LRRC8D: variants seen among roughly 807,000 people sequenced by gnomAD.
The protein encoded by LRRC8D is leucine rich repeat containing 8 VRAC subunit D.
In LRRC8D, 20 loss-of-function variants were observed where a neutral mutation model predicts 55.8. The observed-to-expected ratio is 0.36, with a 90% confidence interval of 0.25 to 0.52. The LOEUF (loss-of-function observed/expected upper bound fraction) is 0.52, where lower values mean the gene tolerates loss of function less well. Among genes scored for constraint, LRRC8D ranks in the 20% least tolerant of loss-of-function variants. The pLI, the probability that LRRC8D is intolerant of heterozygous loss-of-function variation, is 0.93. For synonymous variants in LRRC8D, 352 were observed against 377.0 expected, an observed-to-expected ratio of 0.93 and a Z score of 0.77; for missense variants, 651 against 1,030.8, an observed-to-expected ratio of 0.63 and a Z score of 5.05.
intron 2 of LRRC8D, among the ~76,000 whole-genome samples, chr1:89,915,539 G>A (rs1323186109): frequency 6.6e-6 from 1 of 152,176 alleles, no homozygotes; most frequent in Non-Finnish European, 1.5e-5. Flanking sequence ...TGATATTTTA[G>A]GCTGGAATTC....
chr1:89,919,453 A>C (rs1457492051), intron 2 of LRRC8D, among the ~76,000 whole-genome samples: 1 of 152,232 alleles, frequency 6.6e-6, no homozygotes, highest in Non-Finnish European at 1.5e-5. Context: ...CTTGGGTGTC[A>C]GGGATATGCT....
chr1:89,932,994 G>T (rs1201652238), intron 2 of LRRC8D, 73 bp from the exon 3 acceptor site: 2 of 1,336,016 alleles, frequency 1.5e-6, no homozygotes, highest in Non-Finnish European at 2.1e-6. Flanking sequence ...TTAGGAGCAG[G>T]CATAGGGTTT....
intron 2 of LRRC8D, among the ~76,000 whole-genome samples, chr1:89,857,224 A>T (rs1161983762): frequency 6.6e-6 from 1 of 151,984 alleles, no homozygotes; most frequent in Non-Finnish European, 1.5e-5. Context: ...CTCTACTAAA[A>T]AATAGAAAAT....
At chr1:89,927,368 A>G (rs1181050075) in intron 2 of LRRC8D, among the ~76,000 whole-genome samples, 1 of 152,242 alleles carries the variant, frequency 6.6e-6, no homozygotes. Flanking sequence ...CAACACACCC[A>G]TGTAACCAGA....
intron 1 of LRRC8D, among the ~76,000 whole-genome samples, chr1:89,828,625 G>T (rs1660817247): frequency 6.6e-6 from 1 of 152,114 alleles, no homozygotes; most frequent in African/African-American, 2.4e-5. Context: ...TTACTGGCCT[G>T]TGAAATCAAA....
At chr1:89,848,879 T>C (rs761396170) in intron 2 of LRRC8D, among the ~76,000 whole-genome samples, 24 of 152,142 alleles carry the variant, frequency 1.6e-4, no homozygotes, top group Admixed American at 6.5e-4. Flanking sequence ...TTTGTATTTT[T>C]AGTAGAGACG....
chr1:89,882,495 A>G (rs1034531323), intron 2 of LRRC8D, among the ~76,000 whole-genome samples: 1 of 152,226 alleles, frequency 6.6e-6, no homozygotes, highest in Non-Finnish European at 1.5e-5. Flanking sequence ...CACAGATGGT[A>G]AATGCTGTGG....
chr1:89,821,448 G>A lies in LRRC8D; in HGVS notation c.-148+157G>A, dbSNP rs181675954. Among the ~76,000 whole-genome samples, 931 of 152,254 alleles carry A rather than the reference G, an allele frequency of 6.1e-3. 5 individuals are homozygous for A. Among genetic ancestry groups the A allele is most frequent in the African/African-American group, 0.021 (893 of 41,576 alleles). On this transcript the variant is annotated intron_variant, in intron 1 of 2. Coordinates refer to ENST00000337338, the MANE Select transcript of LRRC8D (RefSeq NM_001134479.2). ...CTCATTCGGGGACGTCCGGGGGTCG[G>A]GAGGAGGTGGCGGCGAGCGGAGTGG...
chr1:89,921,383 T>C (rs531929250), intron 2 of LRRC8D, among the ~76,000 whole-genome samples: 23 of 152,300 alleles, frequency 1.5e-4, no homozygotes, highest in Admixed American at 1.3e-3. Context: ...TTGAGTGTTA[T>C]ATTGATTACA....
At chr1:89,863,631 T>C (rs1286088357) in intron 2 of LRRC8D, among the ~76,000 whole-genome samples, 1 of 151,260 alleles carries the variant, frequency 6.6e-6, no homozygotes, top group African/African-American at 2.4e-5. Context: ...GAATTTCCTT[T>C]CATGTGATAT....
chr1:89,900,591 G>A (rs570635138), intron 2 of LRRC8D, among the ~76,000 whole-genome samples: 2 of 152,204 alleles, frequency 1.3e-5, no homozygotes, highest in South Asian at 2.1e-4. Context: ...GGTGAACATC[G>A]AAGCATAGTG....
At chr1:89,840,228 T>TGCAC (rs1661099800) in intron 1 of LRRC8D, among the ~76,000 whole-genome samples, 1 of 140,558 alleles carries the variant, frequency 7.1e-6, no homozygotes, top group Non-Finnish European at 1.6e-5. Flanking sequence ...CACGTGCGCA[T>TGCAC]GCACACACAC....
chr1:89,924,150 A>G (rs559713315), intron 2 of LRRC8D, among the ~76,000 whole-genome samples: 3 of 152,356 alleles, frequency 2.0e-5, no homozygotes, highest in Admixed American at 2.0e-4. Flanking sequence ...AGCATACAGA[A>G]TGGGAGAAAA....
In LRRC8D at chr1:89,865,330, TTATATATATA is replaced by T. The variant is rs34852331; in HGVS notation, c.-3+21569_-3+21578del. 7.2e-3 allele frequency among the ~76,000 whole-genome samples: 1,004 copies of T among 139,286 alleles called. 10 individuals are homozygous for T. The highest frequency in any genetic ancestry group is 0.023 in the African/African-American group (910 of 38,886). The allele number at this position is 139,286 out of a possible 152,430, so 91.4% of individuals were successfully genotyped here. A position where few individuals can be genotyped will look rare whatever the true frequency, so the allele number is the denominator to read the frequency against. ...GTACTAAATATGTATAAACATGAAA[TTATATATATA>T]TATATATATATATATATATACTTTC... On this transcript the variant is annotated intron_variant, in intron 2 of 2. Transcript: ENST00000337338.
chr1:89,872,173 A>G (rs1171211122), intron 2 of LRRC8D, among the ~76,000 whole-genome samples: 3 of 152,246 alleles, frequency 2.0e-5, no homozygotes, highest in Non-Finnish European at 4.4e-5. Context: ...TAAATTATTC[A>G]TTGACAGTAG....
intron 2 of LRRC8D, among the ~76,000 whole-genome samples, chr1:89,889,041 A>G (rs563264295): frequency 7.9e-5 from 12 of 152,196 alleles, no homozygotes; most frequent in African/African-American, 2.9e-4. Flanking sequence ...CCCTCCAAAG[A>G]GCAATGTGGG....
chr1:89,902,983 G>A (rs1333259271), intron 2 of LRRC8D, among the ~76,000 whole-genome samples: 3 of 152,280 alleles, frequency 2.0e-5, no homozygotes, highest in Admixed American at 6.5e-5. Context: ...AATGTGCACG[G>A]GGCACTGTGC....
chr1:89,845,078 C>G (rs1397569751), intron 2 of LRRC8D, among the ~76,000 whole-genome samples: 1 of 152,150 alleles, frequency 6.6e-6, no homozygotes, highest in East Asian at 1.9e-4. Flanking sequence ...TTCACTTTAT[C>G]GGGTAGCCAA....
intron 2 of LRRC8D, among the ~76,000 whole-genome samples, chr1:89,865,799 C>T (rs565475177): frequency 6.6e-6 from 1 of 152,274 alleles, no homozygotes; most frequent in East Asian, 1.9e-4. Flanking sequence ...TTACTGACAT[C>T]AACTCCAAAT....
Sources: allele counts gnomAD v4.1 joint callset (sites outside exome capture counted in the v4.1 genomes callset), GRCh38; gene constraint gnomAD v4.1.1; transcripts MANE v1.5; gene names NCBI Gene and HGNC (gene_info 2026-07-23, HGNC 2026-07-21).